Variants in PRKCE observed in about 807,000 individuals in gnomAD.
PRKCE encodes protein kinase C epsilon type.
Under a neutral mutation model 85.4 loss-of-function variants are expected in PRKCE, and 16 were observed. The ratio of observed to expected loss-of-function variants is 0.19; its 90% CI spans 0.13 to 0.28. The LOEUF (loss-of-function observed/expected upper bound fraction) is 0.28. Among genes scored for constraint, PRKCE ranks in the 10% least tolerant of loss-of-function variants. PRKCE has a pLI of 1.00. For synonymous variants in PRKCE, 388 were observed against 371.5 expected, an observed-to-expected ratio of 1.04 and a Z score of -0.51; for missense variants, 573 against 975.2, an observed-to-expected ratio of 0.59 and a Z score of 5.49.
chr2:45,747,070 G>A (rs1032426262), intron 1 of PRKCE, among the ~76,000 whole-genome samples: 5 of 152,038 alleles, frequency 3.3e-5, no homozygotes, highest in African/African-American at 4.8e-5. Flanking sequence ...CTCCTTTTGC[G>A]TGCGCTCATC....
intron 2 of PRKCE, among the ~76,000 whole-genome samples, chr2:45,880,061 CT>C (rs35698519): frequency 0.19 from 28,583 of 152,100 alleles, 3,434 homozygotes; most frequent in East Asian, 0.41. Flanking sequence ...TTCTTTTCTA[CT>C]TTTTACCTCT....
At position 46,004,853 on chromosome 2, in the gene PRKCE, T is replaced by G. The variant is rs1233795353; in HGVS notation, c.1063+215T>G. ...CACTCCATGGCCATATCTGCCTTAA[T>G]TTCCTTCCAGGCCAGGGTAAGAGGA... On this transcript the variant is annotated intron_variant, in intron 8 of 14. Transcript: ENST00000306156. The surrounding 1 kb of genome is among the most constrained non-coding windows in gnomAD (Gnocchi z 4.1). 6.6e-6 allele frequency among the ~76,000 whole-genome samples: 1 copy of G among 152,122 alleles called. No individual in the cohort carries two copies. Among genetic ancestry groups the G allele is most frequent in the Non-Finnish European group, 1.5e-5 (1 of 68,008 alleles).
At chr2:46,158,877 T>G (rs1279566052) in intron 13 of PRKCE, among the ~76,000 whole-genome samples, 1 of 152,204 alleles carries the variant, frequency 6.6e-6, no homozygotes, top group Non-Finnish European at 1.5e-5. Flanking sequence ...ACTCATTTAA[T>G]AGGAATAACA....
intron 14 of PRKCE, among the ~76,000 whole-genome samples, chr2:46,174,051 A>G (rs1244401781): frequency 6.6e-6 from 1 of 152,216 alleles, no homozygotes; most frequent in Admixed American, 6.5e-5. Flanking sequence ...GTCTGAGAGA[A>G]TTTGGTCCAT....
intron 2 of PRKCE, among the ~76,000 whole-genome samples, chr2:45,920,547 C>T (rs1166617922): frequency 6.6e-6 from 1 of 152,166 alleles, no homozygotes; most frequent in African/African-American, 2.4e-5. Flanking sequence ...TGTGAAATAT[C>T]CATGGTTGAG....
intron 1 of PRKCE, among the ~76,000 whole-genome samples, chr2:45,828,558 A>G (rs1573518545): frequency 6.6e-6 from 1 of 152,232 alleles, no homozygotes; most frequent in East Asian, 1.9e-4. Context: ...ATACTTTTCA[A>G]GATATATGAA....
chr2:45,780,488 TG>T (rs1369334895), intron 1 of PRKCE, among the ~76,000 whole-genome samples: 2 of 152,184 alleles, frequency 1.3e-5, no homozygotes, highest in African/African-American at 4.8e-5. Context: ...GGCATAAAGA[TG>T]GGAGCTTCTT....
chr2:45,813,590 A>G (rs1183584332), intron 1 of PRKCE, among the ~76,000 whole-genome samples: 2 of 152,216 alleles, frequency 1.3e-5, no homozygotes, highest in Non-Finnish European at 1.5e-5. Flanking sequence ...CTTTCACAAA[A>G]GAGAAAATTG....
chr2:46,103,733 C>G (rs1671454736), intron 11 of PRKCE, among the ~76,000 whole-genome samples: 1 of 151,776 alleles, frequency 6.6e-6, no homozygotes, highest in South Asian at 2.1e-4. Context: ...AAAATGTAAG[C>G]TAGAGAAAAG....
rs190955802 is a variant in PRKCE at position 46,089,383 on chromosome 2, C to T, written c.1592+3021C>T. Among the ~76,000 whole-genome samples, 3 of 152,312 alleles carry T rather than the reference C, an allele frequency of 2.0e-5. No homozygotes were observed. In the East Asian group the frequency reaches 5.8e-4, roughly 29 times the overall value. On this transcript the variant is annotated intron_variant, in intron 11 of 14. Transcript: ENST00000306156. Reference sequence around the variant, plus strand: ...ATGTTGGACCTTCCCAGCCTTCTCCCTTCTTCCCTGGCTAGTTTGCAGTAG... The same window carrying T: ...ATGTTGGACCTTCCCAGCCTTCTCCTTTCTTCCCTGGCTAGTTTGCAGTAG...
At chr2:45,923,589 C>G (rs1359024126) in intron 2 of PRKCE, among the ~76,000 whole-genome samples, 2 of 152,206 alleles carry the variant, frequency 1.3e-5, no homozygotes, top group African/African-American at 2.4e-5. Context: ...GTGCCCTCAG[C>G]CCTGTCTTAG....
rs1210240349 is a variant in PRKCE at position 45,697,895 on chromosome 2, T to A, written c.348+45447T>A. The A allele has an allele frequency of 6.6e-6, 1 of 152,610 alleles. No individual in the cohort carries two copies. The highest frequency in any genetic ancestry group is 6.5e-5 in the Admixed American group (1 of 15,286). 9.5% of individuals were successfully genotyped at this position (152,610 alleles called of 1,614,324 possible). A position where few individuals can be genotyped will look rare whatever the true frequency, so the allele number is the denominator to read the frequency against. On this transcript the variant is annotated intron_variant, in intron 1 of 14. Coordinates refer to ENST00000306156, the MANE Select transcript of PRKCE (RefSeq NM_005400.3). The surrounding 1 kb of genome is among the most constrained non-coding windows in gnomAD (Gnocchi z 4.2). ...TAATTGGATGTAGTTTTTTTTTACA[T>A]TGGAAGAAATTGAGAATATTAACAC...
At chr2:45,885,893 C>T (rs1227510841) in intron 2 of PRKCE, among the ~76,000 whole-genome samples, 4 of 152,208 alleles carry the variant, frequency 2.6e-5, no homozygotes, top group Admixed American at 2.0e-4. Flanking sequence ...GAGGGAGCCT[C>T]GGAGAAATCC....
intron 2 of PRKCE, among the ~76,000 whole-genome samples, chr2:45,936,159 C>T (rs1021944366): frequency 7.2e-5 from 11 of 152,136 alleles, no homozygotes; most frequent in Admixed American, 2.0e-4. Flanking sequence ...GATGCTATGG[C>T]GACCCACTGA....
chr2:46,161,007 T>C (rs1030852800), intron 14 of PRKCE, among the ~76,000 whole-genome samples: 2 of 152,238 alleles, frequency 1.3e-5, no homozygotes, highest in Non-Finnish European at 2.9e-5. Context: ...TTTCACTGGA[T>C]AGCACAAGCT....
intron 11 of PRKCE, among the ~76,000 whole-genome samples, chr2:46,101,903 G>A (rs1671275549): frequency 6.7e-6 from 1 of 148,286 alleles, no homozygotes; most frequent in African/African-American, 2.5e-5. Context: ...CTGATTTGTA[G>A]CATTAACTGA....
chr2:46,178,358 A>G (rs1320510555), intron 14 of PRKCE, among the ~76,000 whole-genome samples: 1 of 152,272 alleles, frequency 6.6e-6, no homozygotes, highest in African/African-American at 2.4e-5. Flanking sequence ...TGTTTACTGT[A>G]AAGAAAATCC....
At chr2:45,772,290 A>T (rs1344794873) in intron 1 of PRKCE, among the ~76,000 whole-genome samples, 1 of 152,062 alleles carries the variant, frequency 6.6e-6, no homozygotes, top group African/African-American at 2.4e-5. Context: ...AAAAAAAAAA[A>T]AGCCAGACAG....
intron 2 of PRKCE, among the ~76,000 whole-genome samples, chr2:45,940,538 A>G (rs1699797148): frequency 6.6e-6 from 1 of 152,198 alleles, no homozygotes; most frequent in Admixed American, 6.5e-5. Context: ...GAAATGGAAG[A>G]AGCAGAGAAC....
Sources: allele counts gnomAD v4.1 joint callset (sites outside exome capture counted in the v4.1 genomes callset), GRCh38; gene constraint gnomAD v4.1.1; non-coding constraint Gnocchi (gnomAD v3.1); transcripts MANE v1.5; gene names NCBI Gene and HGNC (gene_info 2026-07-23, HGNC 2026-07-21).